The following SCYL3 variants were observed in gnomAD, a reference collection of about 807,000 sequenced individuals.
SCYL3 encodes protein-associating with the carboxyl-terminal domain of ezrin.
SCYL3 carries 35 observed loss-of-function variants against 73.8 expected under a neutral mutation model. The observed-to-expected ratio is 0.47, with a 90% CI of 0.36 to 0.63. The LOEUF (loss-of-function observed/expected upper bound fraction) is 0.63. SCYL3 is among the 20% of genes least tolerant of loss of function. The pLI is 0.00. For synonymous variants in SCYL3, 277 were observed against 295.2 expected, an observed-to-expected ratio of 0.94 and a Z score of 0.63; for missense variants, 712 against 798.9, an observed-to-expected ratio of 0.89 and a Z score of 1.31.
chr1:169,887,653 A>T (rs1571461005), intron 2 of SCYL3, among the ~76,000 whole-genome samples: 1 of 152,200 alleles, frequency 6.6e-6, no homozygotes, highest in Admixed American at 6.5e-5. Flanking sequence ...TCTACCAAAA[A>T]GCAAAATTAC....
chr1:169,853,065 T>C lies in SCYL3; in HGVS notation c.*648A>G, dbSNP rs1571366496. On this transcript the variant is annotated 3_prime_UTR_variant, in exon 13 of 13. Coordinates refer to ENST00000367771, the MANE Select transcript of SCYL3 (RefSeq NM_020423.7). ...ATGTCTGTACATTTTCTAACAGATA[T>C]AAAACAAATTTTGTAAAGTTGAATC... 1.4e-6 allele frequency: 2 copies of C among 1,414,006 alleles called. No homozygotes were observed. The highest frequency in any genetic ancestry group is 2.0e-4 in the Middle Eastern group (1 of 4,970). The allele number at this position is 1,414,006 out of a possible 1,614,324, so 87.6% of individuals were successfully genotyped here. A position where few individuals can be genotyped will look rare whatever the true frequency, so the allele number is the denominator to read the frequency against.
chr1:169,866,812 A>C, intron 8 of SCYL3, 84 bp downstream of exon 8: 2 of 772,924 alleles, frequency 2.6e-6, no homozygotes, highest in Non-Finnish European at 2.2e-6. Context: ...CAAATATATG[A>C]CTCATCTTCT....
rs1371758174 is a variant in SCYL3, at chr1:169,852,402, TTAGTA to T, written c.*1306_*1310del. The stretch of plus-strand genomic sequence containing the variant: ...GTTTTGAGCACTATTAGTATAGTAA[TTAGTA>T]TAGTAGTAATTCATGAAGAACAACA... On this transcript the variant is annotated 3_prime_UTR_variant, in exon 13 of 13. Coordinates refer to ENST00000367771, the MANE Select transcript of SCYL3 (RefSeq NM_020423.7). 1 of 250,198 alleles carries T rather than the reference TTAGTA, an allele frequency of 4.0e-6. No individual in the cohort carries two copies. Among genetic ancestry groups the T allele is most frequent in the Admixed American group, 5.8e-5 (1 of 17,314 alleles). 15.5% of individuals were successfully genotyped at this position (250,198 alleles called of 1,614,324 possible). A position where few individuals can be genotyped will look rare whatever the true frequency, so the allele number is the denominator to read the frequency against.
chr1:169,885,150 G>A (rs922051563), intron 2 of SCYL3, among the ~76,000 whole-genome samples: 2 of 152,114 alleles, frequency 1.3e-5, no homozygotes, highest in Non-Finnish European at 2.9e-5. Context: ...CCTAGGTGAT[G>A]GTCTCTGAAA....
chr1:169,859,614 T>C, intron 10 of SCYL3: 1 of 154,792 alleles, frequency 6.5e-6, no homozygotes, highest in Non-Finnish European at 1.4e-5. Flanking sequence ...ACAGTTATGT[T>C]CCTGTCCATG....
intron 1 of SCYL3, among the ~76,000 whole-genome samples, chr1:169,891,177 G>A (rs1208658743): frequency 3.9e-5 from 6 of 152,224 alleles, no homozygotes; most frequent in East Asian, 1.9e-4. Flanking sequence ...AGGATGCTAT[G>A]AGGTGGAGGT....
At chr1:169,862,355 T>C (rs753997758) in intron 10 of SCYL3, among the ~76,000 whole-genome samples, 1 of 152,246 alleles carries the variant, frequency 6.6e-6, no homozygotes, top group African/African-American at 2.4e-5. Flanking sequence ...AAGTGCTCCA[T>C]ACATTATTGT....
intron 11 of SCYL3, chr1:169,855,801 T>C (rs199768761): frequency 1.2e-6 from 2 of 1,612,268 alleles, no homozygotes; most frequent in East Asian, 2.2e-5. Flanking sequence ...TCTACCTGTC[T>C]GTAAAAGAGT....
chr1:169,856,030 G>C, intron 11 of SCYL3: 2 of 1,414,610 alleles, frequency 1.4e-6, no homozygotes, highest in Non-Finnish European at 2.0e-6. Flanking sequence ...ATGGTTGGTG[G>C]GCATAGTTAA....
At chr1:169,879,724 A>C (rs1169071589) in intron 2 of SCYL3, among the ~76,000 whole-genome samples, 2 of 152,200 alleles carry the variant, frequency 1.3e-5, no homozygotes, top group African/African-American at 2.4e-5. Flanking sequence ...ACAACCAACA[A>C]ACACCACTCC....
At chr1:169,875,266 T>C (rs1466664196) in intron 4 of SCYL3, among the ~76,000 whole-genome samples, 4 of 152,152 alleles carry the variant, frequency 2.6e-5, no homozygotes, top group African/African-American at 9.7e-5. Flanking sequence ...ACCATTTCCG[T>C]AGGGATATTA....
At chr1:169,888,977 A>G (rs1661869839) in intron 1 of SCYL3, 87 bp from the exon 2 acceptor site, 1 of 670,356 alleles carries the variant, frequency 1.5e-6, no homozygotes, top group South Asian at 3.4e-5. Flanking sequence ...ACCCCAAACT[A>G]CTAGTTTCTT....
In SCYL3 at chr1:169,878,542, G is replaced by A. The variant is rs6683056; in HGVS notation, c.351+92C>T. 0.68 allele frequency: 759,144 copies of A among 1,108,574 alleles called. 261,179 individuals are homozygous for A. Among genetic ancestry groups the A allele is most frequent in the Middle Eastern group, 0.85 (3,299 of 3,890 alleles). 68.7% of individuals were successfully genotyped at this position (1,108,574 alleles called of 1,614,324 possible). On this transcript the variant is annotated intron_variant, in intron 3 of 12. Coordinates refer to ENST00000367771, the MANE Select transcript of SCYL3 (RefSeq NM_020423.7). Reference sequence around the variant, plus strand: ...ATAACACTTAACTTACAATTTCTATGAACACCATAATTTATAAGTATTACC... The same window carrying A: ...ATAACACTTAACTTACAATTTCTATAAACACCATAATTTATAAGTATTACC...
Position 169,850,245 on chromosome 1 carries a change from GTTCATCAATTTT to G in SCYL3, c.*3456_*3467del, listed in dbSNP as rs751604692. 6.5e-7 allele frequency: 1 copy of G among 1,539,278 alleles called. No homozygotes were observed. The highest frequency in any genetic ancestry group is 2.3e-5 in the East Asian group (1 of 44,406). On this transcript the variant is annotated 3_prime_UTR_variant, in exon 13 of 13. Coordinates refer to ENST00000367771, the MANE Select transcript of SCYL3 (RefSeq NM_020423.7). The stretch of plus-strand genomic sequence containing the variant: ...TTGTTGAAATGTTAAAATTGGTCTT[GTTCATCAATTTT>G]TTAATAGGGAACAAATCATGAAGAG...
intron 8 of SCYL3, among the ~76,000 whole-genome samples, chr1:169,866,496 C>G (rs1281047007): frequency 6.6e-6 from 1 of 152,250 alleles, no homozygotes; most frequent in African/African-American, 2.4e-5. Flanking sequence ...GTACCTCCTA[C>G]CTGTCCTTGT....
At chr1:169,884,446 C>T (rs1661530998) in intron 2 of SCYL3, among the ~76,000 whole-genome samples, 1 of 152,034 alleles carries the variant, frequency 6.6e-6, no homozygotes, top group African/African-American at 2.4e-5. Context: ...TACAGGCGCC[C>T]ACCACCATGC....
intron 7 of SCYL3, among the ~76,000 whole-genome samples, chr1:169,867,522 C>T (rs1164249348): frequency 6.6e-6 from 1 of 152,194 alleles, no homozygotes; most frequent in Non-Finnish European, 1.5e-5. Flanking sequence ...GCTCAGCTCA[C>T]ACCCTACTGT....
At chr1:169,875,451 A>C (rs935583924) in intron 4 of SCYL3, among the ~76,000 whole-genome samples, 2 of 152,218 alleles carry the variant, frequency 1.3e-5, no homozygotes, top group African/African-American at 4.8e-5. Flanking sequence ...AACACAGTCC[A>C]CTAGGAGTTA....
intron 11 of SCYL3, among the ~76,000 whole-genome samples, 173 bp from the exon 12 acceptor site, chr1:169,855,137 A>G (rs886140455): frequency 7.2e-5 from 11 of 152,192 alleles, no homozygotes; most frequent in African/African-American, 2.2e-4. Context: ...ACGATGTCAC[A>G]TGTTATCCAA....
Sources: allele counts gnomAD v4.1 joint callset (sites outside exome capture counted in the v4.1 genomes callset), GRCh38; gene constraint gnomAD v4.1.1; transcripts MANE v1.5; gene names NCBI Gene and HGNC (gene_info 2026-07-23, HGNC 2026-07-21).